Variants in DIRAS3 observed in about 807,000 individuals in gnomAD.
DIRAS3 encodes GTP-binding protein Di-Ras3.
For missense variants in DIRAS3, 248 were observed against 300.6 expected (o/e 0.83, Z 1.29); for synonymous variants, 133 against 131.4 (o/e 1.01, Z -0.08).
At chr1:68,048,019 TAAAAAAAAAAAAAAAAA>T (rs869307311) in intron 1 of DIRAS3, among the ~76,000 whole-genome samples, 9 of 10,934 alleles carry the variant, frequency 8.2e-4, no homozygotes, top group African/African-American at 2.6e-3. Context: ...GACAGTGGAG[TAAAAAAAAAAAAAAAAA>T]AAAAAAAAAA....
At chr1:68,049,714 T>C (rs1413817866) in intron 1 of DIRAS3, 1 of 152,170 alleles carries the variant, frequency 6.6e-6, no homozygotes, top group African/African-American at 2.4e-5. Flanking sequence ...AGGGGATGTA[T>C]GTACAAATTC....
At chr1:68,048,175 T>C (rs947690192) in intron 1 of DIRAS3, among the ~76,000 whole-genome samples, 3 of 149,214 alleles carry the variant, frequency 2.0e-5, no homozygotes, top group Admixed American at 6.7e-5. Flanking sequence ...TCTTTTGCCA[T>C]GGCTACTACC....
chr1:68,048,049 A>AAAT (rs1553173941), intron 1 of DIRAS3, among the ~76,000 whole-genome samples: 4 of 7,272 alleles, frequency 5.5e-4, no homozygotes, highest in African/African-American at 9.7e-4. Context: ...AAAAAAAAAA[A>AAAT]ATATATATAT....
intron 1 of DIRAS3, among the ~76,000 whole-genome samples, chr1:68,048,168 T>C (rs1160487631): frequency 6.8e-6 from 1 of 147,998 alleles, no homozygotes; most frequent in East Asian, 2.0e-4. Context: ...TGGTTTTTCT[T>C]TTGCCATGGC....
In DIRAS3 at chr1:68,046,917, C is replaced by A. The variant is rs758037524; in HGVS notation, c.381G>T (p.Leu127=). The A allele has an allele frequency of 1.9e-6, 3 of 1,614,186 alleles. No homozygotes were observed. Among genetic ancestry groups the A allele is most frequent in the Non-Finnish European group, 2.5e-6 (3 of 1,180,040 alleles). Residue 127 remains leucine, a synonymous_variant, in exon 2 of 2, where the codon CTG becomes CTT. Transcript: ENST00000646789. The part of the protein sequence containing the change: ...SVTKKETLEE[L]KAFYELICKI... ...TGCAGATCAGCTCATAGAAGGCCTTCAGCTCTTCCAGGGTTTCCTTCTTGG... is the reference window on the plus strand; with the variant it reads ...TGCAGATCAGCTCATAGAAGGCCTTAAGCTCTTCCAGGGTTTCCTTCTTGG...
In DIRAS3 at chr1:68,046,953, G is replaced by A. The variant is rs3790689; in HGVS notation, c.345C>T (p.Val115=). Reference sequence around the variant, plus strand: ...GGGTTTCCTTCTTGGTGACTGAGTAGACCAGGACGAAGGCGTGGCCCCGGG... The same window carrying A: ...GGGTTTCCTTCTTGGTGACTGAGTAAACCAGGACGAAGGCGTGGCCCCGGG... The part of the protein sequence containing the change: ...VIARGHAFVL[V]YSVTKKETLE... Residue 115 remains valine (V), a synonymous_variant, in exon 2 of 2, where the codon GTC becomes GTT. Transcript: ENST00000646789. The A allele has an allele frequency of 2.7e-4, 428 of 1,614,218 alleles. 2 individuals carry two copies. The East Asian group carries it at 8.7e-3, about 33-fold the overall frequency.
intron 1 of DIRAS3, among the ~76,000 whole-genome samples, chr1:68,048,325 T>C (rs993894546): frequency 6.6e-6 from 1 of 152,018 alleles, no homozygotes; most frequent in Non-Finnish European, 1.5e-5. Context: ...ATATCCTAAA[T>C]ACCAGACAGC....
chr1:68,047,430 T>C (rs1645685028), intron 1 of DIRAS3, 68 bp from the exon 2 acceptor site: 2 of 804,264 alleles, frequency 2.5e-6, no homozygotes, highest in Non-Finnish European at 3.9e-6. Flanking sequence ...CATGTCAGCC[T>C]GGCCAGCTGC....
chr1:68,047,930 C>T (rs1352272022), intron 1 of DIRAS3, among the ~76,000 whole-genome samples: 1 of 142,634 alleles, frequency 7.0e-6, no homozygotes. Flanking sequence ...TGGGGAGCAC[C>T]TTTGCTCTGA....
At position 68,046,843 on chromosome 1, in the gene DIRAS3, T is replaced by C; in HGVS notation, c.455A>G (p.Asn152Ser). 1.2e-6 allele frequency: 2 copies of C among 1,614,198 alleles called. No individual in the cohort carries two copies. The highest frequency in any genetic ancestry group is 1.7e-6 in the Non-Finnish European group (2 of 1,180,048). ...CTCCCGGTGGGTGTCATCACTTTTATTGCCCACCAGCACGATGGGGAACTT... is the reference window on the plus strand; with the variant it reads ...CTCCCGGTGGGTGTCATCACTTTTACTGCCCACCAGCACGATGGGGAACTT... ...LHKFPIVLVGNKSDDTHREVA... is the reference protein window; with the variant it reads ...LHKFPIVLVGSKSDDTHREVA... Residue 152 changes from asparagine (N) to serine (S), a missense_variant, in exon 2 of 2, where the codon AAT becomes AGT. Physicochemically the swap from Asn to Ser is conservative, Grantham distance 46. Transcript: ENST00000646789.
Position 68,047,231 on chromosome 1 carries a change from G to C in DIRAS3, c.67C>G (p.Leu23Val), listed in dbSNP as rs140394902. The change falls in exon 2 of 2, where the codon CTG becomes GTG. Residue 23 changes from leucine (L) to valine (V), a missense_variant. Leu to Val is a conservative substitution (Grantham distance 32). Coordinates refer to ENST00000646789, the MANE Select transcript of DIRAS3 (RefSeq NM_004675.5). Reference sequence around the variant, plus strand: ...GGCTTGAAGGCGCGGAGGATAAGCAGGGCGGGCAGAAGCCGCAACCGCTTC... The same window carrying C: ...GGCTTGAAGGCGCGGAGGATAAGCACGGCGGGCAGAAGCCGCAACCGCTTC... The part of the protein sequence containing the change: ...LLKRLRLLPA[L>V]LILRAFKPHR... 1.2e-6 allele frequency: 2 copies of C among 1,613,748 alleles called. No homozygotes were observed. The highest frequency in any genetic ancestry group is 1.7e-6 in the Non-Finnish European group (2 of 1,180,040).
chr1:68,047,338 A>T lies in DIRAS3; in HGVS notation c.-41T>A. The T allele has an allele frequency of 1.3e-6, 2 of 1,571,210 alleles. No individual in the cohort carries two copies. Among genetic ancestry groups the T allele is most frequent in the Non-Finnish European group, 1.7e-6 (2 of 1,151,592 alleles). ...GGGAGATACGTGCACAAGTTCTCCC[A>T]CACTTAGCTGGCAGCAGGAGACCCC... On this transcript the variant is annotated 5_prime_UTR_variant, in exon 2 of 2. Coordinates refer to ENST00000646789, the MANE Select transcript of DIRAS3 (RefSeq NM_004675.5).
Position 68,046,381 on chromosome 1 carries a change from C to G in DIRAS3, c.*227G>C, listed in dbSNP as rs540735526. On this transcript the variant is annotated 3_prime_UTR_variant, in exon 2 of 2. Transcript: ENST00000646789. The stretch of plus-strand genomic sequence containing the variant: ...ACTAAAGGCCTTACTTTAAATACAT[C>G]ATGCTACATTTTGTTCTCCTCTTCA... 757 of 476,266 alleles carry G rather than the reference C, an allele frequency of 1.6e-3. 2 individuals carry two copies. The highest frequency in any genetic ancestry group is 2.0e-3 in the Non-Finnish European group (531 of 269,382). 29.5% of individuals were successfully genotyped at this position (476,266 alleles called of 1,614,324 possible).
intron 1 of DIRAS3, among the ~76,000 whole-genome samples, chr1:68,049,952 G>T (rs1243798258): frequency 6.8e-6 from 1 of 148,064 alleles, no homozygotes; most frequent in Non-Finnish European, 1.5e-5. Context: ...CTCATTCTCA[G>T]GCAGTGGACC....
At chr1:68,049,610 G>C (rs1368903365) in intron 1 of DIRAS3, 1 of 152,220 alleles carries the variant, frequency 6.6e-6, no homozygotes, top group African/African-American at 2.4e-5. Context: ...AGTATCAAGA[G>C]TTCCAGTAAA....
In DIRAS3 at chr1:68,050,024, G is replaced by C. The variant is rs1216973947; in HGVS notation, c.-66+524C>G. Among the ~76,000 whole-genome samples the C allele has an allele frequency of 1.3e-5, 2 of 150,744 alleles. No homozygotes were observed. Among genetic ancestry groups the C allele is most frequent in the African/African-American group, 5.0e-5 (2 of 40,342 alleles). The stretch of plus-strand genomic sequence containing the variant: ...CCAGGCCACCTGGCCTCAGGCTGAG[G>C]GGGAGGTGAAAGTTTCCAGGAACCA... On this transcript the variant is annotated intron_variant, in intron 1 of 1. Transcript: ENST00000646789. This position sits in a 1 kb window ranked among gnomAD's most constrained non-coding sequence, Gnocchi z 4.5.
In DIRAS3 at chr1:68,046,708, T is replaced by C; in HGVS notation, c.590A>G (p.Asn197Ser). The C allele has an allele frequency of 6.2e-7, 1 of 1,614,112 alleles. No individual in the cohort carries two copies. The highest frequency in any genetic ancestry group is 8.5e-7 in the Non-Finnish European group (1 of 1,180,020). ...GCCGGTGGTGGGCTTTTTCTTGTAA[T>C]TCAGCAGCATGTGGAACAGCTCCTG... ...NVQELFHMLL[N>S]YKKKPTTGLQ... is the part of the protein sequence containing the mutation. The change falls in exon 2 of 2, where the codon AAT (asparagine) becomes AGT (serine). Residue 197 changes from asparagine to serine, a missense_variant. Transcript: ENST00000646789.
At chr1:68,049,663 G>C (rs1182344016) in intron 1 of DIRAS3, 1 of 152,194 alleles carries the variant, frequency 6.6e-6, no homozygotes, top group African/African-American at 2.4e-5. Flanking sequence ...ATTAGGAAAT[G>C]TGCATTACTA....
Position 68,046,252 on chromosome 1 carries a change from TA to T in DIRAS3, c.*355del. Reference sequence around the variant, plus strand: ...TTACAGGATGTGAAATATTTAAAGGTAATACACAATAATCGGGTTACCAAAA... The same window carrying T: ...TTACAGGATGTGAAATATTTAAAGGTATACACAATAATCGGGTTACCAAAA... On this transcript the variant is annotated 3_prime_UTR_variant, in exon 2 of 2. Coordinates refer to ENST00000646789, the MANE Select transcript of DIRAS3 (RefSeq NM_004675.5). 1 of 187,958 alleles carries T rather than the reference TA, an allele frequency of 5.3e-6. No homozygotes were observed. The highest frequency in any genetic ancestry group is 5.3e-5 in the Admixed American group (1 of 18,766). The allele number at this position is 187,958 out of a possible 1,614,324, so 11.6% of individuals were successfully genotyped here. A position where few individuals can be genotyped will look rare whatever the true frequency, so the allele number is the denominator to read the frequency against.
Sources: allele counts gnomAD v4.1 joint callset (sites outside exome capture counted in the v4.1 genomes callset), GRCh38; gene constraint gnomAD v4.1.1; non-coding constraint Gnocchi (gnomAD v3.1); transcripts MANE v1.5; gene names NCBI Gene and HGNC (gene_info 2026-07-23, HGNC 2026-07-21).